The following TTC34 variants were observed in gnomAD, a reference collection of about 807,000 sequenced individuals.
TTC34 encodes tetratricopeptide repeat protein 34.
TTC34 carries 44 observed loss-of-function variants against 40.7 expected under a neutral mutation model. The ratio of observed to expected loss-of-function variants is 1.08; its 90% CI spans 0.85 to 1.39. The LOEUF (loss-of-function observed/expected upper bound fraction) is 1.39. TTC34 is among the 40% of genes most tolerant of loss of function. The pLI, the probability that TTC34 is intolerant of heterozygous loss-of-function variation, is 0.00. For synonymous variants in TTC34, 422 were observed against 398.6 expected, an observed-to-expected ratio of 1.06 and a Z score of -0.70; for missense variants, 884 against 838.0, an observed-to-expected ratio of 1.05 and a Z score of -0.68.
At position 2,694,671 on chromosome 1, in the gene TTC34, C is replaced by T. The variant is rs28449843; in HGVS notation, c.2227-49108G>A. On this transcript the variant is annotated intron_variant, in intron 6 of 8. Transcript: ENST00000401095. Reference sequence around the variant, plus strand: ...TGACGGCCTGGAACAGCACACACACCGCCAGGTGACCATTGGACACCCTGG... The same window carrying T: ...TGACGGCCTGGAACAGCACACACACTGCCAGGTGACCATTGGACACCCTGG... Among the ~76,000 whole-genome samples the T allele has an allele frequency of 4.8e-5, 4 of 83,782 alleles. 1 individual carries two copies. The highest frequency in any genetic ancestry group is 2.3e-4 in the Admixed American group (2 of 8,652). 55.0% of individuals were successfully genotyped at this position (83,782 alleles called of 152,430 possible). A position where few individuals can be genotyped will look rare whatever the true frequency, so the allele number is the denominator to read the frequency against.
exon 5 of TTC34, chr1:2,785,875 C>T (rs1313001813): frequency 8.4e-6 from 13 of 1,540,740 alleles, no homozygotes; most frequent in Non-Finnish European, 1.1e-5. Flanking sequence ...GTGAACCCTG[C>T]CGTCGGCCCC....
chr1:2,759,962 C>G (rs1345746495), intron 6 of TTC34, among the ~76,000 whole-genome samples: 55 of 27,122 alleles, frequency 2.0e-3, no homozygotes, highest in African/African-American at 5.6e-3. Flanking sequence ...GCACCCACAC[C>G]ACCAGGTGAG....
chr1:2,789,397 C>T, intron 3 of TTC34, 106 bp downstream of exon 3: 1 of 1,163,786 alleles, frequency 8.6e-7, no homozygotes, highest in Non-Finnish European at 1.2e-6. Flanking sequence ...TCACCAGCCA[C>T]TGCCTCCGTT....
Position 2,685,044 on chromosome 1 carries a change from GT to G in TTC34, c.2227-39482del, listed in dbSNP as rs1410696284. 5.5e-5 allele frequency among the ~76,000 whole-genome samples: 8 copies of G among 146,070 alleles called. 1 individual carries two copies. Among genetic ancestry groups the G allele is most frequent in the African/African-American group, 2.2e-4 (8 of 36,990 alleles). On this transcript the variant is annotated intron_variant, in intron 6 of 8. Coordinates refer to ENST00000401095, the Ensembl canonical transcript of TTC34. ...CATGTAACAGCACCCACACCCACAG[GT>G]GAGCATCTGACAGCCTGGAACAGCA...
intron 6 of TTC34, among the ~76,000 whole-genome samples, chr1:2,777,656 T>C (rs1643296450): frequency 7.3e-6 from 1 of 136,440 alleles, no homozygotes; most frequent in Non-Finnish European, 1.5e-5. Context: ...GCCTGTGCCA[T>C]GCCTCCTCTC....
intron 6 of TTC34, among the ~76,000 whole-genome samples, chr1:2,684,913 T>C (rs1338825444): frequency 6.5e-5 from 3 of 45,946 alleles, no homozygotes; most frequent in African/African-American, 1.1e-4. Context: ...AACAGCACCC[T>C]GCACACCCAG....
chr1:2,750,945 C>T (rs1259797079), intron 6 of TTC34, among the ~76,000 whole-genome samples: 3 of 112,720 alleles, frequency 2.7e-5, no homozygotes, highest in Non-Finnish European at 5.2e-5. Flanking sequence ...GAGCATCGGA[C>T]AGCCTGGAGC....
intron 6 of TTC34, among the ~76,000 whole-genome samples, chr1:2,773,178 C>T (rs1363225792): frequency 3.6e-5 from 5 of 138,276 alleles, no homozygotes; most frequent in East Asian, 4.9e-4. Flanking sequence ...GCGCCCACAC[C>T]CCCAGGTGAG....
intron 6 of TTC34, among the ~76,000 whole-genome samples, chr1:2,752,957 C>T (rs1641373833): frequency 7.1e-6 from 1 of 141,718 alleles, no homozygotes; most frequent in East Asian, 2.2e-4. Context: ...ATCCGATAGC[C>T]TGGAGCAACA....
intron 6 of TTC34, among the ~76,000 whole-genome samples, chr1:2,767,861 C>G (rs1310767036): frequency 1.3e-5 from 2 of 149,284 alleles, no homozygotes; most frequent in African/African-American, 4.9e-5. Flanking sequence ...AGGTGTGCAT[C>G]TGACAGCCTG....
At chr1:2,683,782 C>T (rs1481049585) in intron 6 of TTC34, among the ~76,000 whole-genome samples, 7 of 143,624 alleles carry the variant, frequency 4.9e-5, no homozygotes, top group African/African-American at 8.0e-5. Flanking sequence ...CAGGCTGGAG[C>T]AGCACGCACA....
intron 6 of TTC34, among the ~76,000 whole-genome samples, chr1:2,761,085 C>G (rs1234428331): frequency 1.5e-5 from 1 of 67,994 alleles, no homozygotes; most frequent in East Asian, 4.3e-4. Flanking sequence ...CATCCTCACC[C>G]CAGGTGAGCA....
In TTC34 at chr1:2,750,010, G is replaced by T. The variant is rs1412979161; in HGVS notation, c.2226+33599C>A. 2.0e-5 allele frequency among the ~76,000 whole-genome samples: 2 copies of T among 101,202 alleles called. 1 individual carries two copies. Among genetic ancestry groups the T allele is most frequent in the African/African-American group, 9.8e-5 (2 of 20,402 alleles). 66.4% of individuals were successfully genotyped at this position (101,202 alleles called of 152,430 possible). On this transcript the variant is annotated intron_variant, in intron 6 of 8. Coordinates refer to ENST00000401095, the Ensembl canonical transcript of TTC34. The stretch of plus-strand genomic sequence containing the variant: ...CCCTGGAGCAGCACCCACATCCCCA[G>T]GCGAGCATCCGACAGCCTGGAGCAG...
At chr1:2,781,786 C>T (rs1164617828) in intron 6 of TTC34, among the ~76,000 whole-genome samples, 1 of 152,022 alleles carries the variant, frequency 6.6e-6, no homozygotes, top group Non-Finnish European at 1.5e-5. Flanking sequence ...CATTTTTTCC[C>T]TTTCATTCTG....
At chr1:2,653,976 G>T (rs1348359895) in intron 6 of TTC34, among the ~76,000 whole-genome samples, 6 of 146,330 alleles carry the variant, frequency 4.1e-5, no homozygotes, top group Admixed American at 2.0e-4. Context: ...ACAACCACAG[G>T]TGAGCATCGG....
At chr1:2,692,466 C>T (rs78502039) in intron 6 of TTC34, among the ~76,000 whole-genome samples, 2 of 121,336 alleles carry the variant, frequency 1.6e-5, no homozygotes, top group South Asian at 2.6e-4. Flanking sequence ...ACCCACACCC[C>T]CAGGTGAGCA....
In TTC34 at chr1:2,653,686, A is replaced by T. The variant is rs57786292; in HGVS notation, c.2227-8123T>A. Among the ~76,000 whole-genome samples the T allele has an allele frequency of 2.0e-5, 3 of 152,094 alleles. No individual in the cohort carries two copies. In the East Asian group the frequency reaches 5.8e-4, roughly 29 times the overall value. On this transcript the variant is annotated intron_variant, in intron 6 of 8. Coordinates refer to ENST00000401095, the Ensembl canonical transcript of TTC34. The stretch of plus-strand genomic sequence containing the variant: ...CATCTGACAGCCTGGAACAGCACCC[A>T]CACCCCCAGGTGAGCATCTGATGGT...
chr1:2,651,967 T>C (rs1459678888), intron 6 of TTC34, among the ~76,000 whole-genome samples: 1 of 150,188 alleles, frequency 6.7e-6, no homozygotes, highest in Non-Finnish European at 1.5e-5. Flanking sequence ...CTTCCACCTC[T>C]AAGTGAGCAT....
At chr1:2,757,934 C>G (rs1417188458) in intron 6 of TTC34, among the ~76,000 whole-genome samples, 725 of 140,466 alleles carry the variant, frequency 5.2e-3, no homozygotes, top group Admixed American at 8.8e-3. Context: ...CATCTGACAG[C>G]CTGGAACAGC....
Sources: gnomAD v4.1 joint callset for allele counts (sites outside exome capture counted in the v4.1 genomes callset) on GRCh38, gnomAD v4.1.1 for gene constraint, MANE v1.5 for transcripts, NCBI Gene and HGNC (gene_info 2026-07-23, HGNC 2026-07-21) for gene names.